The following RORB variants were observed in gnomAD, a reference collection of about 807,000 sequenced individuals.
RORB encodes the protein nuclear receptor ROR-beta.
Under a neutral mutation model 59.1 loss-of-function variants are expected in RORB, and 6 were observed. The ratio of observed to expected loss-of-function variants is 0.10; its 90% CI spans 0.06 to 0.20. The LOEUF is 0.20. RORB is among the 10% of genes least tolerant of loss of function. The probability of loss-of-function intolerance (pLI) is 1.00; values close to 1 mark genes in which losing one functional copy is unlikely to be tolerated. For missense variants in RORB, 320 were observed against 560.5 expected, an observed-to-expected ratio of 0.57 and a Z score of 4.33; for synonymous variants, 215 against 204.5, an observed-to-expected ratio of 1.05 and a Z score of -0.44.
intron 1 of RORB, among the ~76,000 whole-genome samples, chr9:74,617,686 G>A (rs922028044): frequency 2.6e-5 from 4 of 152,222 alleles, no homozygotes; most frequent in African/African-American, 9.6e-5. Flanking sequence ...CACTGACACC[G>A]GGCCTTTGTG....
chr9:74,661,738 A>G (rs1216104929), intron 5 of RORB, among the ~76,000 whole-genome samples: 1 of 126,584 alleles, frequency 7.9e-6, no homozygotes, highest in Non-Finnish European at 1.6e-5. Context: ...TCCACCTCCC[A>G]GGTTCACGCC....
At chr9:74,629,429 A>T (rs1823578008) in intron 1 of RORB, among the ~76,000 whole-genome samples, 1 of 151,904 alleles carries the variant, frequency 6.6e-6, no homozygotes, top group African/African-American at 2.4e-5. Context: ...CTAAATTTAC[A>T]TTATAGCCAA....
intron 3 of RORB, among the ~76,000 whole-genome samples, chr9:74,639,801 T>C (rs1823765862): frequency 6.6e-6 from 1 of 152,234 alleles, no homozygotes; most frequent in Non-Finnish European, 1.5e-5. Flanking sequence ...GAAGGGGAAG[T>C]TCTTTCTGAA....
chr9:74,630,191 T>C, intron 1 of RORB, 91 bp from the exon 2 acceptor site: 1 of 1,510,606 alleles, frequency 6.6e-7, no homozygotes, highest in Non-Finnish European at 8.9e-7. Flanking sequence ...AATACAAACA[T>C]CAAGGCAGAG....
At chr9:74,681,617 C>G (rs17692608) in intron 9 of RORB, among the ~76,000 whole-genome samples, 102 of 152,306 alleles carry the variant, frequency 6.7e-4, no homozygotes, top group Middle Eastern at 6.8e-3. Flanking sequence ...AGAACTGGGT[C>G]CTGAACCAGA....
intron 1 of RORB, chr9:74,498,948 G>A: frequency 6.5e-6 from 1 of 153,662 alleles, no homozygotes; most frequent in Non-Finnish European, 1.5e-5. Flanking sequence ...GTGGGTTTCG[G>A]GGAGTCACTT....
intron 1 of RORB, among the ~76,000 whole-genome samples, chr9:74,578,488 C>T (rs1233538565): frequency 2.0e-5 from 3 of 152,008 alleles, no homozygotes; most frequent in Non-Finnish European, 4.4e-5. Context: ...CAATGACATG[C>T]AATTTACCCA....
rs149965871 is a variant in RORB at position 74,553,533 on chromosome 9, G to A, written c.7+55550G>A. Among the ~76,000 whole-genome samples the A allele has an allele frequency of 6.0e-3, 906 of 152,118 alleles. 10 individuals are homozygous for A. The highest frequency in any genetic ancestry group is 0.021 in the African/African-American group (856 of 41,454). On this transcript the variant is annotated intron_variant, in intron 1 of 9. Coordinates refer to ENST00000376896, the MANE Select transcript of RORB (RefSeq NM_006914.4). ...ACTTATGTATCAAGCACTAAGGGTA[G>A]TATTCAACAGTGAGGTGAAATTTAT...
At chr9:74,515,727 TTAAG>T (rs1245239670) in intron 1 of RORB, among the ~76,000 whole-genome samples, 1 of 152,010 alleles carries the variant, frequency 6.6e-6, no homozygotes, top group East Asian at 1.9e-4. Flanking sequence ...ATGCAAATTG[TTAAG>T]TAAGAGTACA....
At chr9:74,573,480 A>C (rs556009349) in intron 1 of RORB, among the ~76,000 whole-genome samples, 1,804 of 152,030 alleles carry the variant, frequency 0.012, 21 homozygotes, top group Admixed American at 0.028. Context: ...AAAAAAAAAA[A>C]AAAAACTGGG....
At chr9:74,671,454 T>A (rs1384379977) in intron 8 of RORB, among the ~76,000 whole-genome samples, 2 of 152,172 alleles carry the variant, frequency 1.3e-5, no homozygotes, top group Non-Finnish European at 2.9e-5. Flanking sequence ...TCTTCACAAA[T>A]CGCTAACTTC....
chr9:74,647,536 A>G (rs554482717), intron 4 of RORB, among the ~76,000 whole-genome samples: 4 of 152,358 alleles, frequency 2.6e-5, no homozygotes, highest in African/African-American at 9.6e-5. Flanking sequence ...TTCTCTCCAG[A>G]TAAAGACAAT....
intron 9 of RORB, among the ~76,000 whole-genome samples, chr9:74,679,549 A>C (rs1824508180): frequency 6.6e-6 from 1 of 152,168 alleles, no homozygotes; most frequent in Non-Finnish European, 1.5e-5. Context: ...CTCCTGGGAT[A>C]GTTTTCTGCT....
intron 1 of RORB, among the ~76,000 whole-genome samples, chr9:74,567,847 G>A (rs1219622238): frequency 6.6e-6 from 1 of 152,200 alleles, no homozygotes; most frequent in African/African-American, 2.4e-5. Context: ...TCTTTGGAAT[G>A]GAAGTGCCAT....
chr9:74,521,011 T>C (rs1720961409), intron 1 of RORB, among the ~76,000 whole-genome samples: 1 of 151,916 alleles, frequency 6.6e-6, no homozygotes, highest in Admixed American at 6.6e-5. Context: ...GGCAACCAGA[T>C]GCCAATTGGC....
intron 1 of RORB, among the ~76,000 whole-genome samples, chr9:74,627,176 G>T (rs1347155312): frequency 2.3e-5 from 3 of 132,026 alleles, no homozygotes; most frequent in African/African-American, 8.2e-5. Context: ...AAAAAAAAAA[G>T]TATAAACTAT....
chr9:74,504,919 T>A (rs1398033638), intron 1 of RORB, among the ~76,000 whole-genome samples: 2 of 152,078 alleles, frequency 1.3e-5, no homozygotes, highest in African/African-American at 4.8e-5. Context: ...CAATATAGAA[T>A]TCTTCTTTTA....
intron 1 of RORB, among the ~76,000 whole-genome samples, chr9:74,516,105 C>A (rs940511285): frequency 1.4e-4 from 22 of 152,078 alleles, no homozygotes; most frequent in African/African-American, 5.3e-4. Context: ...ACCAGTGCCA[C>A]CTCTACTGCT....
intron 1 of RORB, among the ~76,000 whole-genome samples, chr9:74,581,195 T>G (rs1822717642): frequency 6.6e-6 from 1 of 152,060 alleles, no homozygotes; most frequent in African/African-American, 2.4e-5. Context: ...TAAACCTTCT[T>G]AAAGGTCCTA....
Sources: allele counts gnomAD v4.1 joint callset (sites outside exome capture counted in the v4.1 genomes callset), GRCh38; gene constraint gnomAD v4.1.1; transcripts MANE v1.5; gene names NCBI Gene and HGNC (gene_info 2026-07-23, HGNC 2026-07-21).